The following KCNIP1 variants were observed in gnomAD, a reference collection of about 807,000 sequenced individuals.
KCNIP1 encodes the protein potassium voltage-gated channel interacting protein 1.
Under a neutral mutation model 33.0 loss-of-function variants are expected in KCNIP1, and 18 were observed. The observed-to-expected ratio is 0.55, with a 90% CI of 0.38 to 0.81. The LOEUF (loss-of-function observed/expected upper bound fraction) is 0.81, where lower values mean the gene tolerates loss of function less well. KCNIP1 is among the 30% of genes least tolerant of loss of function. The pLI is 0.00. For synonymous variants in KCNIP1, 93 were observed against 98.3 expected, an observed-to-expected ratio of 0.95 and a Z score of 0.32; for missense variants, 238 against 271.6, an observed-to-expected ratio of 0.88 and a Z score of 0.87.
At chr5:170,470,106 T>C (rs1561640363) in intron 1 of KCNIP1, among the ~76,000 whole-genome samples, 1 of 152,178 alleles carries the variant, frequency 6.6e-6, no homozygotes, top group Non-Finnish European at 1.5e-5. Context: ...CAGAACTAGC[T>C]GCCCGTCTTT....
intron 1 of KCNIP1, chr5:170,389,707 T>C (rs1764637344): frequency 1.3e-5 from 2 of 152,244 alleles, no homozygotes; most frequent in African/African-American, 4.8e-5. Flanking sequence ...AGGGTGGAGT[T>C]GGGCTGGAGG....
intron 1 of KCNIP1, among the ~76,000 whole-genome samples, chr5:170,615,140 G>T (rs907571348): frequency 2.6e-5 from 4 of 152,180 alleles, no homozygotes; most frequent in Non-Finnish European, 2.9e-5. Flanking sequence ...ACTTGAACCC[G>T]GGAGGTGGAG....
intron 1 of KCNIP1, among the ~76,000 whole-genome samples, chr5:170,448,984 C>T (rs557199900): frequency 6.6e-6 from 1 of 152,310 alleles, no homozygotes; most frequent in Admixed American, 6.5e-5. Flanking sequence ...CAGCACTCTA[C>T]TTCATGCTTA....
chr5:170,553,280 G>A (rs1198172619), intron 1 of KCNIP1, among the ~76,000 whole-genome samples: 1 of 152,206 alleles, frequency 6.6e-6, no homozygotes, highest in Non-Finnish European at 1.5e-5. Context: ...TGTATTCCTG[G>A]TTCTTGTTTA....
chr5:170,551,618 CTG>C lies in KCNIP1; in HGVS notation c.61+47002_61+47003del, dbSNP rs149174124. On this transcript the variant is annotated intron_variant, in intron 1 of 7. Coordinates refer to ENST00000328939, the MANE Select transcript of KCNIP1 (RefSeq NM_014592.4). ...GTAGCATTTGTTCTTGCCAAGGTAG[CTG>C]TGTGTGTGTGTGTGTGCATGTGTGT... 5.3e-3 allele frequency among the ~76,000 whole-genome samples: 797 copies of C among 149,858 alleles called. 5 individuals are homozygous for C. Among genetic ancestry groups the C allele is most frequent in the African/African-American group, 0.016 (666 of 41,082 alleles).
intron 1 of KCNIP1, among the ~76,000 whole-genome samples, chr5:170,429,458 T>C (rs1399552948): frequency 6.6e-6 from 1 of 152,178 alleles, no homozygotes; most frequent in Non-Finnish European, 1.5e-5. Context: ...TGACACTTTT[T>C]GTTTTTCAAA....
At chr5:170,636,794 T>C (rs1561733272) in intron 1 of KCNIP1, among the ~76,000 whole-genome samples, 1 of 152,172 alleles carries the variant, frequency 6.6e-6, no homozygotes, top group East Asian at 1.9e-4. Context: ...AAATATCTCC[T>C]ACATACGAAG....
intron 1 of KCNIP1, chr5:170,374,991 T>C (rs1321544902): frequency 6.6e-6 from 1 of 152,224 alleles, no homozygotes; most frequent in East Asian, 1.9e-4. Context: ...GCAGGGATTG[T>C]TTGGGTATTC....
At chr5:170,464,068 T>A (rs1223345930) in intron 1 of KCNIP1, among the ~76,000 whole-genome samples, 1 of 151,952 alleles carries the variant, frequency 6.6e-6, no homozygotes, top group Admixed American at 6.6e-5. Context: ...GAAAATAAAA[T>A]CCTTATGAAT....
rs187708528 is a variant in KCNIP1, at chr5:170,702,357, A to T, written c.62-16401A>T. Among the ~76,000 whole-genome samples the T allele has an allele frequency of 5.9e-5, 9 of 152,368 alleles. No individual in the cohort carries two copies. The East Asian group carries it at 1.7e-3, about 29-fold the overall frequency. ...GAAGCCAGTTCCCTCCCTGGGCCCCAGTAGCCACATCTGTACATTTAGAGG... is the reference window on the plus strand; with the variant it reads ...GAAGCCAGTTCCCTCCCTGGGCCCCTGTAGCCACATCTGTACATTTAGAGG... On this transcript the variant is annotated intron_variant, in intron 1 of 7. Coordinates refer to ENST00000328939, the MANE Select transcript of KCNIP1 (RefSeq NM_014592.4).
At chr5:170,608,139 C>A (rs930488248) in intron 1 of KCNIP1, among the ~76,000 whole-genome samples, 1 of 152,192 alleles carries the variant, frequency 6.6e-6, no homozygotes, top group Admixed American at 6.5e-5. Flanking sequence ...TCCAGCCCCC[C>A]ATTATCTGTC....
In KCNIP1 at chr5:170,722,872, C is replaced by A. The variant is rs774517405; in HGVS notation, c.435+52C>A. 5 of 1,196,980 alleles carry A rather than the reference C, an allele frequency of 4.2e-6. No homozygotes were observed. In the East Asian group the frequency reaches 7.1e-5, roughly 17 times the overall value. 74.1% of individuals were successfully genotyped at this position (1,196,980 alleles called of 1,614,324 possible). ...AGAGGGCTCCAGTGAAGGTAACTAACCCAACAGAAAACAGCCCCAGGCATG... is the reference window on the plus strand; with the variant it reads ...AGAGGGCTCCAGTGAAGGTAACTAAACCAACAGAAAACAGCCCCAGGCATG... On this transcript the variant is annotated intron_variant, in intron 5 of 7. Transcript: ENST00000328939.
chr5:170,612,149 CCAGA>C (rs1332836535), intron 1 of KCNIP1, among the ~76,000 whole-genome samples: 2 of 152,188 alleles, frequency 1.3e-5, no homozygotes, highest in East Asian at 1.9e-4. Flanking sequence ...CACGGGGAAA[CCAGA>C]CAGACAGACA....
rs560004016 is a variant in KCNIP1 at position 170,508,162 on chromosome 5, A to G, written c.61+3529A>G. ...CTAGAAGCAAATAATCCCACACTAC[A>G]GGGGTGGCTGGGTTAGAAATCCTCC... On this transcript the variant is annotated intron_variant, in intron 1 of 7. Coordinates refer to ENST00000328939, the MANE Select transcript of KCNIP1 (RefSeq NM_014592.4). Among the ~76,000 whole-genome samples, 4 of 152,334 alleles carry G rather than the reference A, an allele frequency of 2.6e-5. No homozygotes were observed. In the East Asian group the frequency reaches 7.7e-4, roughly 29 times the overall value.
chr5:170,656,489 C>A (rs930128670), intron 1 of KCNIP1, among the ~76,000 whole-genome samples: 1 of 152,192 alleles, frequency 6.6e-6, no homozygotes, highest in African/African-American at 2.4e-5. Flanking sequence ...TAGGTCAGGG[C>A]CCCCCAGTGT....
chr5:170,499,469 A>T (rs114433887), upstream of KCNIP1, among the ~76,000 whole-genome samples: 381 of 152,368 alleles, frequency 2.5e-3, 2 homozygotes, highest in African/African-American at 8.7e-3. Flanking sequence ...TTATGAAAGT[A>T]ATCCACAAGA....
chr5:170,584,621 G>A (rs947093825), intron 1 of KCNIP1, among the ~76,000 whole-genome samples: 41 of 152,080 alleles, frequency 2.7e-4, no homozygotes, highest in African/African-American at 9.4e-4. Flanking sequence ...GGCGTGGAGG[G>A]GTGCCCAGCC....
At chr5:170,624,665 C>T (rs1353300655) in intron 1 of KCNIP1, among the ~76,000 whole-genome samples, 1 of 148,796 alleles carries the variant, frequency 6.7e-6, no homozygotes, top group Non-Finnish European at 1.5e-5. Context: ...TGTCTTGGTG[C>T]CTCAGTTCTT....
chr5:170,568,501 T>C (rs1037762346), intron 1 of KCNIP1, among the ~76,000 whole-genome samples: 2 of 151,802 alleles, frequency 1.3e-5, no homozygotes, highest in African/African-American at 4.8e-5. Context: ...TGATTCCTTC[T>C]ACAGACCACT....
Sources: allele counts gnomAD v4.1 joint callset (sites outside exome capture counted in the v4.1 genomes callset), GRCh38; gene constraint gnomAD v4.1.1; transcripts MANE v1.5; gene names NCBI Gene and HGNC (gene_info 2026-07-23, HGNC 2026-07-21).